Variants in POM121 observed in about 807,000 individuals in gnomAD.
POM121 encodes the protein nuclear envelope pore membrane protein POM 121.
Under a neutral mutation model 81.3 loss-of-function variants are expected in POM121, and 32 were observed. The observed-to-expected ratio is 0.39, with a 90% confidence interval of 0.30 to 0.53. The LOEUF (loss-of-function observed/expected upper bound fraction) is 0.53. POM121 is among the 20% of genes least tolerant of loss of function. POM121 has a pLI of 0.66. For synonymous variants in POM121, 514 were observed against 694.2 expected (o/e 0.74, Z 4.08); for missense variants, 1,138 against 1,614.6 (o/e 0.70, Z 5.06).
At chr7:72,949,970 C>G (rs781830303), downstream of POM121, 72 of 1,609,236 alleles carry the variant, frequency 4.5e-5, 2 homozygotes, top group South Asian at 7.4e-4. Context: ...GCCTGGCAGG[C>G]AGAACACAGG....
In POM121 at chr7:72,926,852, C is replaced by G; in HGVS notation, c.911C>G (p.Pro304Arg). ...CTGTCCTCACCATCAAGTAACGCCC[C>G]AGACCCATGTGCAAAGGAGACAGTA... ...STLSSPSSNA[P>R]DPCAKETVLS... Residue 304 changes from proline to arginine, a missense_variant, in exon 3 of 13, where the codon CCA (proline) becomes CGA (arginine). Pro to Arg is a moderately radical substitution (Grantham distance 103). Coordinates refer to ENST00000434423, the MANE Select transcript of POM121 (RefSeq NM_001387691.1). 1.2e-6 allele frequency: 2 copies of G among 1,613,962 alleles called. No individual in the cohort carries two copies. Among genetic ancestry groups the G allele is most frequent in the Non-Finnish European group, 1.7e-6 (2 of 1,179,866 alleles).
chr7:72,928,549 T>C (rs1795701502), intron 4 of POM121, 84 bp downstream of exon 4: 1 of 1,497,832 alleles, frequency 6.7e-7, no homozygotes, highest in African/African-American at 1.4e-5. Context: ...TTTTCCTCTT[T>C]GTTTTTTGCA....
intron 5 of POM121, among the ~76,000 whole-genome samples, chr7:72,934,670 T>G (rs1554499139): frequency 6.6e-6 from 1 of 152,202 alleles, no homozygotes; most frequent in African/African-American, 2.4e-5. Flanking sequence ...TGGTGTGAGG[T>G]TGGAATCAAA....
At chr7:72,922,685 G>A (rs182267730), upstream of POM121, among the ~76,000 whole-genome samples, 4 of 151,992 alleles carry the variant, frequency 2.6e-5, no homozygotes, top group Admixed American at 2.0e-4. Context: ...CACCATGCCC[G>A]GCCCAGAAGT....
chr7:72,915,464 C>T (rs1195019810), intron 4 of POM121, among the ~76,000 whole-genome samples: 1 of 152,066 alleles, frequency 6.6e-6, no homozygotes, highest in Non-Finnish European at 1.5e-5. Context: ...CTCGCACCTC[C>T]CAGGTTCAAG....
chr7:72,923,123 C>T (rs541645206), upstream of POM121, among the ~76,000 whole-genome samples: 2 of 148,890 alleles, frequency 1.3e-5, no homozygotes, highest in African/African-American at 2.5e-5. Context: ...ACCCCCCCCC[C>T]CTTTTTTTTT....
intron 1 of POM121, among the ~76,000 whole-genome samples, chr7:72,884,516 T>C (rs6951178): frequency 2.5e-4 from 23 of 91,118 alleles, no homozygotes; most frequent in African/African-American, 1.6e-3. Context: ...AATATATACA[T>C]ATAATATATA....
intron 3 of POM121, among the ~76,000 whole-genome samples, chr7:72,891,703 A>G (rs11766637): frequency 3.9e-5 from 6 of 152,306 alleles, no homozygotes; most frequent in South Asian, 2.1e-4. Flanking sequence ...CACTGCTCCC[A>G]GCCTTACAGA....
At chr7:72,950,087 G>T (rs782146936), downstream of POM121, 1 of 1,578,104 alleles carries the variant, frequency 6.3e-7, no homozygotes, top group Non-Finnish European at 8.7e-7. Context: ...TGTCCGGCCC[G>T]GTACAGTGGG....
At chr7:72,941,238 C>G (rs1299185628) in intron 10 of POM121, among the ~76,000 whole-genome samples, 1 of 152,044 alleles carries the variant, frequency 6.6e-6, no homozygotes, top group Non-Finnish European at 1.5e-5. Context: ...CCTCGCCTTC[C>G]TCATCTGTCA....
rs1300271731 is a variant in POM121, at chr7:72,943,000, C to G, written c.3007C>G (p.Pro1003Ala). The change falls in exon 11 of 13, where the codon CCG becomes GCG. Residue 1003 changes from proline to alanine, a missense_variant. Coordinates refer to ENST00000434423, the MANE Select transcript of POM121 (RefSeq NM_001387691.1). ...SSFTFGNSAA[P>A]AAAPTPAPPS... ...TTTCACTTTTGGAAACTCTGCAGCC[C>G]CGGCTGCTGCACCCACACCTGCACC... is the stretch of plus-strand genomic sequence containing the variant. The G allele has an allele frequency of 1.9e-6, 3 of 1,613,344 alleles. No homozygotes were observed. Among genetic ancestry groups the G allele is most frequent in the Non-Finnish European group, 2.5e-6 (3 of 1,179,770 alleles).
intron 3 of POM121, among the ~76,000 whole-genome samples, chr7:72,912,359 C>T (rs1234584422): frequency 6.6e-6 from 1 of 152,146 alleles, no homozygotes; most frequent in African/African-American, 2.4e-5. Context: ...GTGCAGTAAA[C>T]TGATAGGAAT....
chr7:72,915,748 C>T (rs1586125064), intron 4 of POM121, among the ~76,000 whole-genome samples: 1 of 152,242 alleles, frequency 6.6e-6, no homozygotes, highest in Non-Finnish European at 1.5e-5. Context: ...TCCAGGCTCA[C>T]TGCAACCTCC....
chr7:72,888,035 T>A (rs537578911), intron 1 of POM121, among the ~76,000 whole-genome samples: 13 of 152,274 alleles, frequency 8.5e-5, no homozygotes, highest in African/African-American at 2.2e-4. Flanking sequence ...ATATATATAT[T>A]TTTTTCTTTG....
At chr7:72,928,237 G>A (rs1185822918) in intron 3 of POM121, 148 bp from the exon 4 acceptor site, 9 of 1,199,680 alleles carry the variant, frequency 7.5e-6, no homozygotes, top group Non-Finnish European at 9.4e-6. Context: ...CCTTTCAGAA[G>A]CTTAGGGATT....
At chr7:72,949,114 C>A (rs563255056), downstream of POM121, 11 of 1,577,694 alleles carry the variant, frequency 7.0e-6, no homozygotes, top group East Asian at 4.5e-5. Context: ...TAAGGAAAAG[C>A]GTGTCTCGGT....
At chr7:72,930,155 C>G in intron 5 of POM121, 44 bp downstream of exon 5, 1 of 1,566,946 alleles carries the variant, frequency 6.4e-7, no homozygotes. Context: ...GAATTCCCAG[C>G]GTTCATTCAT....
rs546904214 is a variant in POM121, at chr7:72,926,282, A to G, written c.665A>G (p.Asn222Ser). ...TGCAGGGATTGTGGGACTTTACCAA[A>G]TCGGTTTGTAATAACACCTAGAAGA... ...PSPRDCGTLPNRFVITPRRRY... is the reference protein window; with the variant it reads ...PSPRDCGTLPSRFVITPRRRY... The change falls in exon 2 of 13, where the codon AAT becomes AGT. Residue 222 changes from asparagine to serine, a missense_variant. This residue lies in a region of POM121 where 646 missense variants were observed against 633.5 expected (regional missense o/e 1.02). Transcript: ENST00000434423. The G allele has an allele frequency of 2.0e-5, 31 of 1,565,720 alleles. No individual in the cohort carries two copies. The East Asian group carries it at 7.4e-4, about 37-fold the overall frequency.
chr7:72,936,866 C>T (rs1404025660), intron 5 of POM121, among the ~76,000 whole-genome samples: 95 of 151,868 alleles, frequency 6.3e-4, no homozygotes, highest in Non-Finnish European at 3.2e-4. Context: ...CAGGCTGGTC[C>T]GAAACTCCTG....
Sources: allele counts gnomAD v4.1 joint callset (sites outside exome capture counted in the v4.1 genomes callset), GRCh38; gene constraint gnomAD v4.1.1; regional missense constraint gnomAD v4.1.1; transcripts MANE v1.5; gene names NCBI Gene and HGNC (gene_info 2026-07-23, HGNC 2026-07-21).